ZNF429: variants seen among roughly 807,000 people sequenced by gnomAD.
ZNF429 encodes the protein zinc finger protein 429.
In ZNF429, 53 loss-of-function variants were observed where a neutral mutation model predicts 56.8. The observed-to-expected ratio is 0.93, with a 90% CI of 0.75 to 1.17. The LOEUF (loss-of-function observed/expected upper bound fraction) is 1.17. ZNF429 is among the 50% of genes most tolerant of loss of function. ZNF429 has a pLI of 0.00. For missense variants in ZNF429, 849 were observed against 788.4 expected (o/e 1.08, Z -0.92); for synonymous variants, 278 against 264.7 (o/e 1.05, Z -0.49).
chr19:21,510,977 C>A (rs995578574), intron 1 of ZNF429, among the ~76,000 whole-genome samples: 5 of 152,094 alleles, frequency 3.3e-5, no homozygotes, highest in Non-Finnish European at 5.9e-5. Flanking sequence ...CCCATGTCTA[C>A]TTCTTTCTAC....
Position 21,535,332 on chromosome 19 carries a change from T to TCTTTCTTTCTTTCTTTCTTTC in ZNF429, c.227-948_227-947insCTTTCTTTCTTTCTTTCTTTC. Among the ~76,000 whole-genome samples, 4 of 93,486 alleles carry TCTTTCTTTCTTTCTTTCTTTC rather than the reference T, an allele frequency of 4.3e-5. 1 individual carries two copies. The highest frequency in any genetic ancestry group is 7.1e-5 in the Non-Finnish European group (3 of 42,296). The allele number at this position is 93,486 out of a possible 152,430, so 61.3% of individuals were successfully genotyped here. On this transcript the variant is annotated intron_variant, in intron 3 of 3. Transcript: ENST00000358491. ...CTTTCTTTCTTTCTTTCTTTCTCTT[T>TCTTTCTTTCTTTCTTTCTTTC]TCTTTTCTTTCCTTTCCTTTCTTTT...
intron 3 of ZNF429, among the ~76,000 whole-genome samples, chr19:21,531,521 A>T: frequency 6.6e-6 from 1 of 152,116 alleles, no homozygotes; most frequent in Non-Finnish European, 1.5e-5. Flanking sequence ...AATAGAAAAT[A>T]GGCTGAGCAC....
intron 1 of ZNF429, among the ~76,000 whole-genome samples, chr19:21,522,754 G>T (rs547345193): frequency 6.6e-6 from 1 of 152,062 alleles, no homozygotes; most frequent in Non-Finnish European, 1.5e-5. Context: ...AAAATTAGCC[G>T]GGCATGATGG....
chr19:21,533,062 T>C, intron 3 of ZNF429, among the ~76,000 whole-genome samples: 1 of 152,158 alleles, frequency 6.6e-6, no homozygotes, highest in African/African-American at 2.4e-5. Flanking sequence ...GGCTGCATTC[T>C]TGTTTTCCAC....
intron 3 of ZNF429, among the ~76,000 whole-genome samples, chr19:21,534,759 T>A: frequency 6.6e-6 from 1 of 151,684 alleles, no homozygotes; most frequent in African/African-American, 2.4e-5. Flanking sequence ...CTGGAGAGAA[T>A]CTCTTGCTTT....
At chr19:21,508,578 TAAG>T (rs1232988243) in intron 1 of ZNF429, among the ~76,000 whole-genome samples, 1 of 152,180 alleles carries the variant, frequency 6.6e-6, no homozygotes, top group African/African-American at 2.4e-5. Context: ...GCTTGAAAGG[TAAG>T]AAAATATTTA....
In ZNF429 at chr19:21,536,482, A is replaced by G; in HGVS notation, c.429A>G (p.Lys143=). ...LNQCLTLTQS[K]MYHCDIYVKV... The stretch of plus-strand genomic sequence containing the variant: ...AATGTTTGACACTTACCCAGAGCAA[A>G]ATGTATCACTGTGATATATATGTAA... Residue 143 remains lysine (K), a synonymous_variant, in exon 4 of 4, where the codon AAA becomes AAG. Coordinates refer to ENST00000358491, the MANE Select transcript of ZNF429 (RefSeq NM_001001415.4). 1 of 1,613,394 alleles carries G rather than the reference A, an allele frequency of 6.2e-7. No individual in the cohort carries two copies. The highest frequency in any genetic ancestry group is 8.5e-7 in the Non-Finnish European group (1 of 1,179,692).
chr19:21,507,204 C>G (rs1055835864), intron 1 of ZNF429, among the ~76,000 whole-genome samples: 2 of 152,178 alleles, frequency 1.3e-5, no homozygotes, highest in African/African-American at 4.8e-5. Context: ...AGCAGGGTCT[C>G]AAATCTACTC....
intron 1 of ZNF429, among the ~76,000 whole-genome samples, chr19:21,528,402 A>G (rs1296691918): frequency 6.6e-6 from 1 of 152,124 alleles, no homozygotes; most frequent in Middle Eastern, 3.2e-3. Flanking sequence ...TTAAATCATT[A>G]CTAAAAATTA....
chr19:21,537,358 C>A lies in ZNF429; in HGVS notation c.1305C>A (p.Thr435=). Residue 435 remains threonine, a synonymous_variant, in exon 4 of 4, where the codon ACC becomes ACA. Coordinates refer to ENST00000358491, the MANE Select transcript of ZNF429 (RefSeq NM_001001415.4). ...YNCEECGKVF[T]YSSTLTRHKR... ...GTGAAGAATGTGGCAAAGTTTTTAC[C>A]TATTCCTCTACACTTACTAGACATA... is the stretch of plus-strand genomic sequence containing the variant. 1 of 1,613,042 alleles carries A rather than the reference C, an allele frequency of 6.2e-7. No individual in the cohort carries two copies. Among genetic ancestry groups the A allele is most frequent in the East Asian group, 2.2e-5 (1 of 44,742 alleles).
intron 3 of ZNF429, among the ~76,000 whole-genome samples, chr19:21,532,427 A>G: frequency 6.6e-6 from 1 of 152,314 alleles, no homozygotes; most frequent in Admixed American, 6.5e-5. Context: ...TAACAAAAAA[A>G]CACTACTGGA....
chr19:21,513,244 T>A (rs1197261613), intron 1 of ZNF429, among the ~76,000 whole-genome samples: 3 of 152,170 alleles, frequency 2.0e-5, no homozygotes, highest in African/African-American at 7.2e-5. Flanking sequence ...ATTTTATTAA[T>A]CACAGCTGTT....
At chr19:21,527,251 G>A (rs979491140) in intron 1 of ZNF429, among the ~76,000 whole-genome samples, 1 of 152,064 alleles carries the variant, frequency 6.6e-6, no homozygotes, top group Non-Finnish European at 1.5e-5. Context: ...ATGTAGAATG[G>A]GGTCAAAATT....
At position 21,512,848 on chromosome 19, in the gene ZNF429, G is replaced by A. The variant is rs369661705; in HGVS notation, c.3+7074G>A. 3.3e-5 allele frequency among the ~76,000 whole-genome samples: 5 copies of A among 152,030 alleles called. No individual in the cohort carries two copies. In the South Asian group the frequency reaches 1.0e-3, roughly 32 times the overall value. ...GAGTCTATGTCTGGCTTATGTGACA[G>A]GTAAGAATAGAGAGCACCATCTAAG... On this transcript the variant is annotated intron_variant, in intron 1 of 3. Coordinates refer to ENST00000358491, the MANE Select transcript of ZNF429 (RefSeq NM_001001415.4).
intron 1 of ZNF429, among the ~76,000 whole-genome samples, chr19:21,510,642 G>C (rs1330928996): frequency 6.6e-6 from 1 of 151,542 alleles, no homozygotes; most frequent in Non-Finnish European, 1.5e-5. Flanking sequence ...GGATTTGGCA[G>C]GGTCATAGGA....
chr19:21,528,079 A>G (rs62108332), intron 1 of ZNF429, among the ~76,000 whole-genome samples: 22,722 of 152,112 alleles, frequency 0.15, 1,751 homozygotes, highest in Middle Eastern at 0.19. Context: ...CATTCTCTAC[A>G]TCATAGCTTT....
chr19:21,536,437 A>G lies in ZNF429; in HGVS notation c.384A>G (p.Gly128=), dbSNP rs773854622. The G allele has an allele frequency of 1.2e-4, 189 of 1,613,654 alleles. No individual in the cohort carries two copies. Among genetic ancestry groups the G allele is most frequent in the Non-Finnish European group, 1.6e-4 (183 of 1,179,840 alleles). The change falls in exon 4 of 4, where the codon GGA becomes GGG. Residue 128 remains glycine (G), a synonymous_variant. Coordinates refer to ENST00000358491, the MANE Select transcript of ZNF429 (RefSeq NM_001001415.4). ...TAGGTGATTGTAAGCTATACAAAGG[A>G]GGTTATAATGGACTTAACCAATGTT... The part of the protein sequence containing the change: ...KTVGDCKLYK[G]GYNGLNQCLT...
chr19:21,529,640 GGT>G lies in ZNF429; in HGVS notation c.4-7_4-6del, dbSNP rs1555745045. 104 of 1,510,028 alleles carry G rather than the reference GGT, an allele frequency of 6.9e-5. No individual in the cohort carries two copies. The highest frequency in any genetic ancestry group is 3.6e-4 in the Middle Eastern group (2 of 5,552). 93.5% of individuals were successfully genotyped at this position (1,510,028 alleles called of 1,614,324 possible). A position where few individuals can be genotyped will look rare whatever the true frequency, so the allele number is the denominator to read the frequency against. On this transcript the variant is annotated splice_polypyrimidine_tract_variant and intron_variant, in intron 1 of 3. Transcript: ENST00000358491. ...CTCTCTCTTTCTCTCTCCTTCTGTTGGTGTGTGTGTGTTTCAGGGACCATTGA... is the reference window on the plus strand; with the variant it reads ...CTCTCTCTTTCTCTCTCCTTCTGTTGGTGTGTGTGTTTCAGGGACCATTGA...
chr19:21,535,359 T>C, intron 3 of ZNF429, among the ~76,000 whole-genome samples: 1,388 of 54,478 alleles, frequency 0.025, 234 homozygotes, highest in African/African-American at 0.074. Flanking sequence ...CTTTCTTTTC[T>C]TCTTTCTTTC....
Sources: gnomAD v4.1 joint callset for allele counts (sites outside exome capture counted in the v4.1 genomes callset) on GRCh38, gnomAD v4.1.1 for gene constraint, MANE v1.5 for transcripts, NCBI Gene and HGNC (gene_info 2026-07-23, HGNC 2026-07-21) for gene names.